The following EGFLAM variants were observed in gnomAD, a reference collection of about 807,000 sequenced individuals.
The protein encoded by EGFLAM is EGF like, fibronectin type III and laminin G domains.
EGFLAM carries 79 observed loss-of-function variants against 113.1 expected under a neutral mutation model. The observed-to-expected ratio is 0.70, with a 90% CI of 0.58 to 0.84. The LOEUF is 0.84. EGFLAM is among the 40% of genes least tolerant of loss of function. The pLI is 0.00. For missense variants in EGFLAM, 1,265 were observed against 1,291.6 expected (o/e 0.98, Z 0.32); for synonymous variants, 504 against 487.6 (o/e 1.03, Z -0.44).
intron 5 of EGFLAM, among the ~76,000 whole-genome samples, chr5:38,360,832 T>G: frequency 6.7e-6 from 1 of 149,136 alleles, no homozygotes; most frequent in Non-Finnish European, 1.5e-5. Flanking sequence ...ATTTATTTAT[T>G]TATTTATTTA....
chr5:38,444,537 A>G (rs534299822), intron 17 of EGFLAM, among the ~76,000 whole-genome samples: 4 of 152,384 alleles, frequency 2.6e-5, no homozygotes, highest in African/African-American at 9.6e-5. Context: ...TGATTACTAT[A>G]TATGTATCAA....
At position 38,295,842 on chromosome 5, in the gene EGFLAM, T is replaced by C. The variant is rs559172499; in HGVS notation, c.97+36991T>C. On this transcript the variant is annotated intron_variant, in intron 1 of 21. Coordinates refer to ENST00000322350, the MANE Select transcript of EGFLAM (RefSeq NM_152403.4). ...AGTGGGTTAAAAGACCTTAACTCTA[T>C]ATTGTGAAGGCAAATATCACAGTGT... 4.7e-4 allele frequency among the ~76,000 whole-genome samples: 72 copies of C among 152,362 alleles called. 1 individual carries two copies. The highest frequency in any genetic ancestry group is 4.9e-4 in the Non-Finnish European group (33 of 68,034).
intron 1 of EGFLAM, among the ~76,000 whole-genome samples, chr5:38,275,023 A>G (rs965505761): frequency 1.3e-5 from 2 of 152,204 alleles, no homozygotes; most frequent in Non-Finnish European, 2.9e-5. Flanking sequence ...AGCTTAAAAT[A>G]ATCTGTTATA....
At chr5:38,415,235 C>T (rs978742967) in intron 11 of EGFLAM, among the ~76,000 whole-genome samples, 6 of 151,538 alleles carry the variant, frequency 4.0e-5, no homozygotes, top group Admixed American at 1.3e-4. Context: ...TGGTGGTGGG[C>T]GCCTGTAATC....
chr5:38,357,990 A>G (rs62353601), intron 5 of EGFLAM, among the ~76,000 whole-genome samples: 2 of 108,874 alleles, frequency 1.8e-5, no homozygotes, highest in South Asian at 5.7e-4. Context: ...TTTTTTTTTA[A>G]TATTTAGCTA....
chr5:38,359,793 T>C (rs1328157364), intron 5 of EGFLAM, among the ~76,000 whole-genome samples: 1 of 152,244 alleles, frequency 6.6e-6, no homozygotes, highest in Non-Finnish European at 1.5e-5. Context: ...CAACGTAAGA[T>C]ATTTATATTA....
At chr5:38,361,180 T>C (rs536256158) in intron 5 of EGFLAM, among the ~76,000 whole-genome samples, 6 of 152,166 alleles carry the variant, frequency 3.9e-5, no homozygotes, top group South Asian at 2.1e-4. Context: ...CACAAGTCTT[T>C]ATGCTTGCTA....
At chr5:38,302,236 C>CA (rs35820077) in intron 1 of EGFLAM, among the ~76,000 whole-genome samples, 15,907 of 100,598 alleles carry the variant, frequency 0.16, 958 homozygotes, top group East Asian at 0.19. Flanking sequence ...AAGTCCATCT[C>CA]AAAAAAAAAA....
chr5:38,315,435 C>G (rs1738566565), intron 1 of EGFLAM, among the ~76,000 whole-genome samples: 1 of 152,162 alleles, frequency 6.6e-6, no homozygotes, highest in Admixed American at 6.5e-5. Context: ...CAAGCTATAC[C>G]ACCATTCATC....
At chr5:38,391,536 T>A (rs575645086) in intron 6 of EGFLAM, among the ~76,000 whole-genome samples, 107 of 151,798 alleles carry the variant, frequency 7.0e-4, no homozygotes, top group African/African-American at 2.5e-3. Flanking sequence ...GTAGCTGGGA[T>A]TACAGGCGCC....
intron 14 of EGFLAM, among the ~76,000 whole-genome samples, chr5:38,430,872 C>A (rs1231517288): frequency 6.6e-6 from 1 of 152,208 alleles, no homozygotes; most frequent in African/African-American, 2.4e-5. Context: ...TGGTCCAAGT[C>A]TGAAGACCAA....
chr5:38,448,527 C>T, intron 18 of EGFLAM, 148 bp downstream of exon 18: 1 of 751,442 alleles, frequency 1.3e-6, no homozygotes, highest in Non-Finnish European at 2.2e-6. Context: ...ACACACACAA[C>T]AAGAAATAAA....
At chr5:38,455,518 C>A (rs1430480665) in intron 19 of EGFLAM, among the ~76,000 whole-genome samples, 1 of 152,162 alleles carries the variant, frequency 6.6e-6, no homozygotes, top group African/African-American at 2.4e-5. Flanking sequence ...AACATGTCCA[C>A]CACCCAAAAA....
chr5:38,334,026 C>T (rs142171219), intron 1 of EGFLAM, among the ~76,000 whole-genome samples: 12 of 142,382 alleles, frequency 8.4e-5, no homozygotes, highest in African/African-American at 2.7e-4. Context: ...TGGGTTCAAG[C>T]GATTCTCCTG....
chr5:38,334,284 T>C (rs915538298), intron 1 of EGFLAM, among the ~76,000 whole-genome samples: 1 of 152,188 alleles, frequency 6.6e-6, no homozygotes, highest in African/African-American at 2.4e-5. Context: ...CAAAATACTA[T>C]AGATTGGGTG....
At chr5:38,456,335 G>T (rs1743085319) in intron 19 of EGFLAM, among the ~76,000 whole-genome samples, 1 of 152,184 alleles carries the variant, frequency 6.6e-6, no homozygotes, top group South Asian at 2.1e-4. Context: ...GAATCTGAGT[G>T]TCCGTGCTCT....
Position 38,358,754 on chromosome 5 carries a change from C to CA in EGFLAM, c.545+6426dup, listed in dbSNP as rs1167935636. On this transcript the variant is annotated intron_variant, in intron 5 of 21. Transcript: ENST00000322350. ...TGGCAGGAATCTTCATGATCCCCCC[C>CA]AAAGTTGGTCTGGAGGCTATTTGTT... Among the ~76,000 whole-genome samples, 54 of 152,230 alleles carry CA rather than the reference C, an allele frequency of 3.5e-4. No individual in the cohort carries two copies. The Middle Eastern group carries it at 0.01, about 29-fold the overall frequency.
chr5:38,411,205 G>A (rs949428874), intron 10 of EGFLAM, among the ~76,000 whole-genome samples: 4 of 152,082 alleles, frequency 2.6e-5, no homozygotes, highest in South Asian at 2.1e-4. Flanking sequence ...CAAGGTGGGC[G>A]GATCACGAGG....
At chr5:38,365,630 A>G (rs1740039807) in intron 5 of EGFLAM, among the ~76,000 whole-genome samples, 1 of 152,216 alleles carries the variant, frequency 6.6e-6, no homozygotes, top group African/African-American at 2.4e-5. Context: ...GTCTTTTACC[A>G]GCATTTTGTT....
Sources: allele counts gnomAD v4.1 joint callset (sites outside exome capture counted in the v4.1 genomes callset), GRCh38; gene constraint gnomAD v4.1.1; transcripts MANE v1.5; gene names NCBI Gene and HGNC (gene_info 2026-07-23, HGNC 2026-07-21).